Variants in VPS37A observed in about 807,000 individuals in gnomAD.
VPS37A encodes the protein vacuolar protein sorting-associated protein 37A.
VPS37A carries 30 observed loss-of-function variants against 49.8 expected under a neutral mutation model. That is an observed-to-expected ratio of 0.60 (90% confidence interval 0.45 to 0.82). The LOEUF is 0.82. Ranked by LOEUF, VPS37A falls within the 40% of genes least tolerant of loss-of-function variation. VPS37A has a pLI of 0.00. For missense variants in VPS37A, 593 were observed against 464.4 expected (o/e 1.28, Z -2.55); for synonymous variants, 195 against 160.6 (o/e 1.21, Z -1.62).
intron 4 of VPS37A, among the ~76,000 whole-genome samples, chr8:17,273,092 A>T (rs1026036442): frequency 9.6e-6 from 1 of 103,932 alleles, no homozygotes; most frequent in African/African-American, 4.1e-5. Flanking sequence ...AAAGTTTTTC[A>T]TGTTAGTACT....
chr8:17,257,211 C>T (rs923137435), intron 1 of VPS37A, among the ~76,000 whole-genome samples: 2 of 152,038 alleles, frequency 1.3e-5, no homozygotes, highest in Non-Finnish European at 2.9e-5. Context: ...GTTCTTGGTG[C>T]TTTTGTTAAG....
chr8:17,327,096 A>G, the VPS37A span, among the ~76,000 whole-genome samples: 1 of 152,216 alleles, frequency 6.6e-6, no homozygotes, highest in Non-Finnish European at 1.5e-5. Flanking sequence ...TACATTATAC[A>G]TATTCTCCCA....
the VPS37A span, among the ~76,000 whole-genome samples, chr8:17,323,458 G>C: frequency 6.6e-6 from 1 of 152,074 alleles, no homozygotes; most frequent in Non-Finnish European, 1.5e-5. Context: ...AAATCTAACA[G>C]GGAACTCCAA....
At chr8:17,316,131 A>G in the VPS37A span, among the ~76,000 whole-genome samples, 3 of 152,178 alleles carry the variant, frequency 2.0e-5, no homozygotes, top group African/African-American at 7.2e-5. Context: ...CATACTAGCT[A>G]TGTGGGCTTG....
At chr8:17,294,469 T>C (rs913793556) in intron 11 of VPS37A, among the ~76,000 whole-genome samples, 4 of 152,110 alleles carry the variant, frequency 2.6e-5, no homozygotes, top group African/African-American at 9.7e-5. Context: ...AAGGGTTCTG[T>C]CTCGCTGGCA....
Position 17,276,424 on chromosome 8 carries a change from A to T in VPS37A, c.670A>T (p.Met224Leu), listed in dbSNP as rs148204721. 1.2e-6 allele frequency: 2 copies of T among 1,612,538 alleles called. No homozygotes were observed. The highest frequency in any genetic ancestry group is 2.7e-5 in the African/African-American group (2 of 74,858). ...PTSQNGFGYK[M>L]PDVPDAFPEL... ...AAGCCAAAATGGTTTTGGGTACAAGATGCCAGATGTCCCTGATGCATTTCC... is the reference window on the plus strand; with the variant it reads ...AAGCCAAAATGGTTTTGGGTACAAGTTGCCAGATGTCCCTGATGCATTTCC... The change falls in exon 6 of 12, where the codon ATG (methionine) becomes TTG (leucine). Residue 224 changes from methionine to leucine, a missense_variant. Coordinates refer to ENST00000324849, the MANE Select transcript of VPS37A (RefSeq NM_152415.3).
chr8:17,308,588 T>G, the VPS37A span, among the ~76,000 whole-genome samples: 1 of 152,228 alleles, frequency 6.6e-6, no homozygotes, highest in Non-Finnish European at 1.5e-5. Context: ...TAAATTTAAA[T>G]TTTATCACCA....
intron 3 of VPS37A, among the ~76,000 whole-genome samples, 156 bp from the exon 4 acceptor site, chr8:17,268,700 A>G (rs540382062): frequency 1.3e-5 from 2 of 152,304 alleles, no homozygotes; most frequent in South Asian, 2.1e-4. Context: ...TATCGATTCT[A>G]TAAGAAAATG....
chr8:17,331,302 AG>A, the VPS37A span: 1 of 1,567,842 alleles, frequency 6.4e-7, no homozygotes, highest in Non-Finnish European at 8.6e-7. Context: ...TCAGCAAAAC[AG>A]AACAGTCATC....
chr8:17,311,396 TAC>T, the VPS37A span: 2 of 1,369,076 alleles, frequency 1.5e-6, no homozygotes, highest in African/African-American at 2.9e-5. Context: ...CTTGCTGAGC[TAC>T]TAAAAGAAAA....
downstream of VPS37A, among the ~76,000 whole-genome samples, chr8:17,301,317 C>A (rs1394336878): frequency 6.6e-6 from 1 of 152,108 alleles, no homozygotes; most frequent in Non-Finnish European, 1.5e-5. Context: ...AGGAAAAGAA[C>A]AGAGTAAGTT....
intron 1 of VPS37A, among the ~76,000 whole-genome samples, chr8:17,254,576 A>T (rs1033682264): frequency 6.6e-6 from 1 of 151,704 alleles, no homozygotes; most frequent in Non-Finnish European, 1.5e-5. Flanking sequence ...TCCAAACTTT[A>T]TATTGGACTT....
At position 17,297,527 on chromosome 8, in the gene VPS37A, A is replaced by C. The variant is rs1816772766; in HGVS notation, c.*2541A>C. 1 of 150,166 alleles carries C rather than the reference A, an allele frequency of 6.7e-6. No homozygotes were observed. The highest frequency in any genetic ancestry group is 6.7e-5 in the Admixed American group (1 of 15,030). The allele number at this position is 150,166 out of a possible 1,614,324, so 9.3% of individuals were successfully genotyped here. ...CATTCTATAAAAAGCTCAGTTACTG[A>C]TTTGCTGGGTCATGGTCAAAATTCT... is the stretch of plus-strand genomic sequence containing the variant. On this transcript the variant is annotated 3_prime_UTR_variant, in exon 12 of 12. Coordinates refer to ENST00000324849, the MANE Select transcript of VPS37A (RefSeq NM_152415.3).
chr8:17,293,568 A>ACT (rs1816338938), intron 11 of VPS37A, among the ~76,000 whole-genome samples: 1 of 152,054 alleles, frequency 6.6e-6, no homozygotes, highest in Admixed American at 6.5e-5. Flanking sequence ...GCCTTTTTGC[A>ACT]CTGGTTTTTC....
chr8:17,286,457 G>A (rs777660595), intron 11 of VPS37A, 30 bp downstream of exon 11: 6 of 1,591,500 alleles, frequency 3.8e-6, no homozygotes, highest in Non-Finnish European at 5.2e-6. Context: ...TGAGTCTCAA[G>A]GTGATTGCAT....
At chr8:17,279,381 T>C (rs549944315) in intron 6 of VPS37A, among the ~76,000 whole-genome samples, 3 of 152,116 alleles carry the variant, frequency 2.0e-5, no homozygotes, top group South Asian at 2.1e-4. Context: ...TTCCCTCTTA[T>C]CAATACATAC....
Position 17,295,569 on chromosome 8 carries a change from A to G in VPS37A, c.*583A>G, listed in dbSNP as rs1816558963. 6.6e-6 allele frequency: 1 copy of G among 152,594 alleles called. No individual in the cohort carries two copies. Among genetic ancestry groups the G allele is most frequent in the African/African-American group, 2.4e-5 (1 of 41,452 alleles). 9.5% of individuals were successfully genotyped at this position (152,594 alleles called of 1,614,324 possible). On this transcript the variant is annotated 3_prime_UTR_variant, in exon 12 of 12. Coordinates refer to ENST00000324849, the MANE Select transcript of VPS37A (RefSeq NM_152415.3). The stretch of plus-strand genomic sequence containing the variant: ...TCAAAAGAATAAACCAGCTGTTCTT[A>G]TATATTGTTTCATTTTTAAAACTAA...
chr8:17,262,103 TGG>T (rs1455499726), intron 1 of VPS37A, among the ~76,000 whole-genome samples: 2 of 152,118 alleles, frequency 1.3e-5, no homozygotes, highest in Non-Finnish European at 2.9e-5. Context: ...TGCTTGATGC[TGG>T]GAAGATTGTG....
the VPS37A span, among the ~76,000 whole-genome samples, chr8:17,321,191 T>G: frequency 0.022 from 3,377 of 152,262 alleles, 148 homozygotes; most frequent in African/African-American, 0.077. Context: ...ACTGCAAGTT[T>G]AAAAATAAAG....
Sources: allele counts gnomAD v4.1 joint callset (sites outside exome capture counted in the v4.1 genomes callset), GRCh38; gene constraint gnomAD v4.1.1; transcripts MANE v1.5; gene names NCBI Gene and HGNC (gene_info 2026-07-23, HGNC 2026-07-21).